The following ARRDC5 variants were observed in gnomAD, a reference collection of about 807,000 sequenced individuals.
ARRDC5 encodes the protein arrestin domain-containing protein 5.
A neutral mutation model predicts 13.3 loss-of-function variants in ARRDC5; 12 were observed. That is an observed-to-expected ratio of 0.90 (90% CI 0.58 to 1.46). The LOEUF (loss-of-function observed/expected upper bound fraction) is 1.46, where lower values mean the gene tolerates loss of function less well. Among genes scored for constraint, ARRDC5 ranks in the 40% most tolerant of loss-of-function variants. The pLI, the probability that ARRDC5 is intolerant of heterozygous loss-of-function variation, is 0.00. For synonymous variants in ARRDC5, 181 were observed against 173.4 expected, an observed-to-expected ratio of 1.04 and a Z score of -0.34; for missense variants, 406 against 418.7, an observed-to-expected ratio of 0.97 and a Z score of 0.26.
rs753194325 is a variant in ARRDC5 at position 4,902,758 on chromosome 19, A to G, written c.68T>C (p.Ile23Thr). The G allele has an allele frequency of 6.2e-7, 1 of 1,613,822 alleles. No homozygotes were observed. Among genetic ancestry groups the G allele is most frequent in the African/African-American group, 1.3e-5 (1 of 74,916 alleles). Reference sequence around the variant, plus strand: ...CAGGGTTAAGATCACCTGCCCTTTTATGCTGGAGCCAGCCAGGTAGATTCT... The same window carrying G: ...CAGGGTTAAGATCACCTGCCCTTTTGTGCTGGAGCCAGCCAGGTAGATTCT... ...EDRIYLAGSS[I>T]KGQVILTLNS... Residue 23 changes from isoleucine (I) to threonine (T), a missense_variant, in exon 1 of 3, where the codon ATA becomes ACA. By Grantham distance (89) the Ile-to-Thr change is moderately conservative. Coordinates refer to ENST00000650722, the MANE Select transcript of ARRDC5 (RefSeq NM_001080523.3).
chr19:4,902,564 C>T lies in ARRDC5; in HGVS notation c.253+9G>A, dbSNP rs756920426. 28 of 1,612,406 alleles carry T rather than the reference C, an allele frequency of 1.7e-5. No individual in the cohort carries two copies. Among genetic ancestry groups the T allele is most frequent in the East Asian group, 4.5e-5 (2 of 44,882 alleles). On this transcript the variant is annotated intron_variant, in intron 1 of 2. Coordinates refer to ENST00000650722, the MANE Select transcript of ARRDC5 (RefSeq NM_001080523.3). ...CATGGCTAGGGGTGGCTGTTGGCCTCGTCCTTACCCTCCACTGGGAATGTC... is the reference window on the plus strand; with the variant it reads ...CATGGCTAGGGGTGGCTGTTGGCCTTGTCCTTACCCTCCACTGGGAATGTC...
At chr19:4,900,532 T>A (rs1043076379) in intron 1 of ARRDC5, among the ~76,000 whole-genome samples, 28 of 152,190 alleles carry the variant, frequency 1.8e-4, no homozygotes, top group Admixed American at 1.8e-3. Flanking sequence ...CTCTTCCTAC[T>A]CCCATTTTAT....
At chr19:4,899,722 G>A (rs1367967151) in intron 1 of ARRDC5, among the ~76,000 whole-genome samples, 1 of 133,760 alleles carries the variant, frequency 7.5e-6, no homozygotes, top group African/African-American at 2.9e-5. Flanking sequence ...GAGGTCAGGA[G>A]ATCGAGACCA....
chr19:4,902,219 G>C (rs1243669507), intron 1 of ARRDC5, among the ~76,000 whole-genome samples: 1 of 152,068 alleles, frequency 6.6e-6, no homozygotes, highest in Non-Finnish European at 1.5e-5. Context: ...CATGAATGCA[G>C]GACTGCCTAC....
At chr19:4,905,664 C>T (rs756752909), upstream of ARRDC5, among the ~76,000 whole-genome samples, 10 of 152,014 alleles carry the variant, frequency 6.6e-5, no homozygotes, top group Non-Finnish European at 1.3e-4. Flanking sequence ...ATTATAGGCA[C>T]GTGCCACCAC....
the ARRDC5 span, among the ~76,000 whole-genome samples, chr19:4,908,401 G>A: frequency 6.6e-6 from 1 of 152,038 alleles, no homozygotes; most frequent in Non-Finnish European, 1.5e-5. Flanking sequence ...AGCTCTCAAG[G>A]GAAAGACCAA....
At chr19:4,897,501 G>T (rs565419452) in intron 1 of ARRDC5, among the ~76,000 whole-genome samples, 1 of 152,052 alleles carries the variant, frequency 6.6e-6, no homozygotes, top group Admixed American at 6.6e-5. Flanking sequence ...AGGCCTTCAG[G>T]GTTCAACAAA....
chr19:4,895,251 G>A (rs891335890), intron 2 of ARRDC5, among the ~76,000 whole-genome samples: 3 of 151,554 alleles, frequency 2.0e-5, no homozygotes, highest in East Asian at 1.9e-4. Context: ...TGGAAACTCC[G>A]TCTTTACTAA....
intron 2 of ARRDC5, among the ~76,000 whole-genome samples, chr19:4,896,313 C>CAAAAA (rs559677827): frequency 2.6e-3 from 140 of 54,108 alleles, no homozygotes; most frequent in African/African-American, 9.9e-3. Flanking sequence ...GACTGCATCT[C>CAAAAA]AAAAAAAAAA....
chr19:4,891,696 C>A (rs2031519112), intron 2 of ARRDC5, 123 bp from the exon 3 acceptor site: 6 of 835,658 alleles, frequency 7.2e-6, no homozygotes, highest in Non-Finnish European at 1.1e-5. Context: ...ATAGCTCACG[C>A]CTATAATCCC....
chr19:4,907,151 C>T (rs902945352), upstream of ARRDC5, among the ~76,000 whole-genome samples: 2 of 152,198 alleles, frequency 1.3e-5, no homozygotes, highest in African/African-American at 4.8e-5. Context: ...GCTCTGTCAC[C>T]CAGGTGGGAG....
intron 2 of ARRDC5, among the ~76,000 whole-genome samples, chr19:4,896,140 C>G (rs2031700555): frequency 6.6e-6 from 1 of 151,850 alleles, no homozygotes; most frequent in Non-Finnish European, 1.5e-5. Flanking sequence ...CATGGCGAAA[C>G]CCTGTCTCTA....
chr19:4,896,548 G>A, intron 2 of ARRDC5, 123 bp downstream of exon 2: 1 of 700,038 alleles, frequency 1.4e-6, no homozygotes, highest in Non-Finnish European at 2.4e-6. Flanking sequence ...TCGGGGCCTG[G>A]GAAGCTGCCA....
At chr19:4,910,913 G>A in the ARRDC5 span, 1 of 1,612,866 alleles carries the variant, frequency 6.2e-7, no homozygotes, top group Non-Finnish European at 8.5e-7. Flanking sequence ...GACCATGGAC[G>A]GGAGGCAGAC....
At chr19:4,904,073 T>C (rs1344750531), upstream of ARRDC5, among the ~76,000 whole-genome samples, 1 of 151,970 alleles carries the variant, frequency 6.6e-6, no homozygotes, top group Non-Finnish European at 1.5e-5. Context: ...GCCCCCTGGG[T>C]TCAAGCGATT....
At chr19:4,914,087 A>G in the ARRDC5 span, among the ~76,000 whole-genome samples, 6 of 151,814 alleles carry the variant, frequency 4.0e-5, no homozygotes, top group Non-Finnish European at 5.9e-5. Context: ...TGGCCTCCCA[A>G]AGTGCTGGGA....
Position 4,900,255 on chromosome 19 carries a change from C to T in ARRDC5, c.253+2318G>A, listed in dbSNP as rs2031874958. Among the ~76,000 whole-genome samples, 9 of 141,376 alleles carry T rather than the reference C, an allele frequency of 6.4e-5. No homozygotes were observed. In the South Asian group the frequency reaches 1.8e-3, roughly 29 times the overall value. The allele number at this position is 141,376 out of a possible 152,430, so 92.7% of individuals were successfully genotyped here. A position where few individuals can be genotyped will look rare whatever the true frequency, so the allele number is the denominator to read the frequency against. On this transcript the variant is annotated intron_variant, in intron 1 of 2. Coordinates refer to ENST00000650722, the MANE Select transcript of ARRDC5 (RefSeq NM_001080523.3). ...CTCCGCCTCCCGGGTTCACGCCATT[C>T]TTCTGCCTCAGCTTCTTGAGCAGCT...
At position 4,890,915 on chromosome 19, in the gene ARRDC5, G is replaced by T; in HGVS notation, c.*131C>A. ...GAGGGGAGACACAGATACCTAAACC[G>T]CTAGAGCTTGGGGAGGTTGCAGACA... On this transcript the variant is annotated 3_prime_UTR_variant, in exon 3 of 3. Transcript: ENST00000650722. The T allele has an allele frequency of 1.4e-6, 1 of 695,438 alleles. No individual in the cohort carries two copies. The highest frequency in any genetic ancestry group is 2.4e-6 in the Non-Finnish European group (1 of 414,958). The allele number at this position is 695,438 out of a possible 1,614,324, so 43.1% of individuals were successfully genotyped here.
intron 2 of ARRDC5, among the ~76,000 whole-genome samples, chr19:4,892,338 C>T (rs2031541711): frequency 6.6e-6 from 1 of 151,904 alleles, no homozygotes; most frequent in South Asian, 2.1e-4. Context: ...ATCCGCCTGC[C>T]TCGGCCTACC....
Sources: gnomAD v4.1 joint callset for allele counts (sites outside exome capture counted in the v4.1 genomes callset) on GRCh38, gnomAD v4.1.1 for gene constraint, MANE v1.5 for transcripts, NCBI Gene and HGNC (gene_info 2026-07-23, HGNC 2026-07-21) for gene names.